Variants in SHC2 observed in about 807,000 individuals in gnomAD.
The protein encoded by SHC2 is SHC adaptor protein 2, also known as SHC-transforming protein 2.
Under a neutral mutation model 60.6 loss-of-function variants are expected in SHC2, and 62 were observed. The observed-to-expected ratio is 1.02, with a 90% CI of 0.83 to 1.26. SHC2 has a LOEUF of 1.26. Among genes scored for constraint, SHC2 ranks in the 50% most tolerant of loss-of-function variants. The pLI, the probability that SHC2 is intolerant of heterozygous loss-of-function variation, is 0.00. For synonymous variants in SHC2, 375 were observed against 372.4 expected (o/e 1.01, Z -0.08); for missense variants, 873 against 822.2 (o/e 1.06, Z -0.76).
chr19:442,805 G>A (rs2145731469), intron 1 of SHC2, among the ~76,000 whole-genome samples: 1 of 141,080 alleles, frequency 7.1e-6, no homozygotes, highest in Admixed American at 6.9e-5. Context: ...ATGGGTGGGT[G>A]GATGAGTGGA....
rs368152023 is a variant in SHC2 at position 426,842 on chromosome 19, G to A, written c.1175-1611C>T. On this transcript the variant is annotated intron_variant, in intron 9 of 12. Transcript: ENST00000264554. ...GGGGCAGAGTCCGGGGAGGGAGGACGACAGTGCGAGGGGCAGAGTCCGGGG... is the reference window on the plus strand; with the variant it reads ...GGGGCAGAGTCCGGGGAGGGAGGACAACAGTGCGAGGGGCAGAGTCCGGGG... Among the ~76,000 whole-genome samples the A allele has an allele frequency of 1.3e-4, 19 of 147,132 alleles. No individual in the cohort carries two copies. The East Asian group carries it at 3.4e-3, about 26-fold the overall frequency.
intron 1 of SHC2, among the ~76,000 whole-genome samples, chr19:449,709 C>A (rs1975133191): frequency 6.6e-6 from 1 of 151,118 alleles, no homozygotes. Context: ...TGCAATGAGC[C>A]GAGATTGCGC....
chr19:439,021 G>A lies in SHC2; in HGVS notation c.549C>T (p.Ile183=), dbSNP rs755930133. The stretch of plus-strand genomic sequence containing the variant: ...CAGGCACGGCCTCATGGAGCCGGTT[G>A]ATGGCTTCCCTGGGGTTGGGAGGAG... ...NTRTQVTREA[I]NRLHEAVPGV... Residue 183 remains isoleucine, a synonymous_variant, in exon 3 of 13, where the codon ATC becomes ATT. Transcript: ENST00000264554. The A allele has an allele frequency of 8.2e-6, 13 of 1,586,026 alleles. No homozygotes were observed. Among genetic ancestry groups the A allele is most frequent in the Non-Finnish European group, 1.1e-5 (13 of 1,166,106 alleles).
chr19:420,918 T>C (rs8104618), intron 11 of SHC2, among the ~76,000 whole-genome samples: 12,974 of 151,788 alleles, frequency 0.085, 1,789 homozygotes, highest in African/African-American at 0.29. Context: ...GGCGTGGTGG[T>C]GGGCGCCTGT....
chr19:452,270 G>A (rs1266853614), intron 1 of SHC2, among the ~76,000 whole-genome samples: 209 of 113,490 alleles, frequency 1.8e-3, no homozygotes, highest in African/African-American at 7.6e-3. Context: ...GCGTTTCTCC[G>A]TTTCATTGAG....
chr19:418,083 C>G (rs1038735343), intron 12 of SHC2, among the ~76,000 whole-genome samples: 11 of 152,152 alleles, frequency 7.2e-5, no homozygotes, highest in African/African-American at 2.7e-4. Flanking sequence ...ATCACCCAGA[C>G]CTGCCTGTCC....
chr19:419,303 G>A (rs939768370), intron 11 of SHC2: 33 of 460,564 alleles, frequency 7.2e-5, no homozygotes, highest in Admixed American at 1.1e-4. Context: ...AAAGGTGACC[G>A]CGGGAAGATG....
chr19:430,921 G>C (rs913252794), intron 8 of SHC2, among the ~76,000 whole-genome samples, 174 bp from the exon 9 acceptor site: 1 of 152,164 alleles, frequency 6.6e-6, no homozygotes, highest in Non-Finnish European at 1.5e-5. Flanking sequence ...TGGGTCTGCC[G>C]CCCACCTCTG....
intron 1 of SHC2, among the ~76,000 whole-genome samples, chr19:449,710 G>A (rs953946120): frequency 3.3e-5 from 5 of 152,058 alleles, no homozygotes; most frequent in Admixed American, 6.5e-5. Flanking sequence ...GCAATGAGCC[G>A]AGATTGCGCC....
At position 453,459 on chromosome 19, in the gene SHC2, A is replaced by T. The variant is rs1975250317; in HGVS notation, c.468+7070T>A. 6.6e-6 allele frequency among the ~76,000 whole-genome samples: 1 copy of T among 151,992 alleles called. No homozygotes were observed. The highest frequency in any genetic ancestry group is 1.5e-5 in the Non-Finnish European group (1 of 67,994). ...TAATGTTTTTTCTTTTTTGGTAGAG[A>T]CAGGGTTTCACCAAGCTGCCCAGGC... On this transcript the variant is annotated intron_variant, in intron 1 of 12. Transcript: ENST00000264554. The surrounding 1 kb of genome is among the most constrained non-coding windows in gnomAD (Gnocchi z 6.3).
chr19:460,602 A>G lies in SHC2; in HGVS notation c.395T>C (p.Ile132Thr). The G allele has an allele frequency of 1.4e-6, 2 of 1,394,042 alleles. No homozygotes were observed. Among genetic ancestry groups the G allele is most frequent in the South Asian group, 1.5e-5 (1 of 66,442 alleles). 86.4% of individuals were successfully genotyped at this position (1,394,042 alleles called of 1,614,324 possible). The change falls in exon 1 of 13, where the codon ATC becomes ACC. Residue 132 changes from isoleucine (I) to threonine (T), a missense_variant. Ile to Thr is a moderately conservative substitution (Grantham distance 89). Coordinates refer to ENST00000264554, the MANE Select transcript of SHC2 (RefSeq NM_012435.3). The part of the protein sequence containing the change: ...AAEWIRKGSF[I>T]HKPAHGWLHP... Reference sequence around the variant, plus strand: ...TAGCCAGCCGTGCGCGGGTTTGTGGATGAAGCTGCCCTTCCGGATCCACTC... The same window carrying G: ...TAGCCAGCCGTGCGCGGGTTTGTGGGTGAAGCTGCCCTTCCGGATCCACTC...
chr19:448,932 G>A (rs111881439), intron 1 of SHC2, among the ~76,000 whole-genome samples: 47 of 152,022 alleles, frequency 3.1e-4, no homozygotes, highest in African/African-American at 8.9e-4. Context: ...GCAGACAGAC[G>A]GCTTGAGTTC....
chr19:424,680 G>A lies in SHC2; in HGVS notation c.1309+417C>T, dbSNP rs757857910. ...CTCCTCCCTTCAGACCGGGGGTTCCGACAGAGGCAGGTGGGTTACCCCCGA... is the reference window on the plus strand; with the variant it reads ...CTCCTCCCTTCAGACCGGGGGTTCCAACAGAGGCAGGTGGGTTACCCCCGA... On this transcript the variant is annotated intron_variant, in intron 10 of 12. Coordinates refer to ENST00000264554, the MANE Select transcript of SHC2 (RefSeq NM_012435.3). The surrounding 1 kb of genome is among the most constrained non-coding windows in gnomAD (Gnocchi z 4.5). 1.3e-5 allele frequency among the ~76,000 whole-genome samples: 2 copies of A among 152,164 alleles called. No homozygotes were observed. Among genetic ancestry groups the A allele is most frequent in the South Asian group, 2.1e-4 (1 of 4,832 alleles).
At position 441,144 on chromosome 19, in the gene SHC2, T is replaced by C. The variant is rs115684162; in HGVS notation, c.469-212A>G. On this transcript the variant is annotated intron_variant, in intron 1 of 12. Transcript: ENST00000264554. The surrounding 1 kb of genome is among the most constrained non-coding windows in gnomAD (Gnocchi z 4.9). ...GCCCCCTCTGACTCCAGGCATGTTT[T>C]TCTGTGTTGCTGTTTCTCAGGAGCC... is the stretch of plus-strand genomic sequence containing the variant. 1.0e-6 allele frequency: 1 copy of C among 985,152 alleles called. No individual in the cohort carries two copies. The highest frequency in any genetic ancestry group is 1.7e-5 in the African/African-American group (1 of 57,270). 61.0% of individuals were successfully genotyped at this position (985,152 alleles called of 1,614,324 possible). A position where few individuals can be genotyped will look rare whatever the true frequency, so the allele number is the denominator to read the frequency against.
intron 4 of SHC2, among the ~76,000 whole-genome samples, chr19:437,620 G>A (rs544675890): frequency 2.6e-5 from 4 of 152,084 alleles, no homozygotes; most frequent in South Asian, 2.1e-4. Flanking sequence ...TCCATGCCTC[G>A]CAGGGTGGGG....
intron 1 of SHC2, among the ~76,000 whole-genome samples, chr19:458,947 TG>T (rs1389316325): frequency 6.6e-6 from 1 of 152,056 alleles, no homozygotes; most frequent in Non-Finnish European, 1.5e-5. Context: ...AGCCAGCTTC[TG>T]GGGGCTCCCA....
At chr19:419,380 A>C in intron 11 of SHC2, 1 of 273,584 alleles carries the variant, frequency 3.7e-6, no homozygotes, top group East Asian at 6.9e-5. Context: ...TGGTAGATAA[A>C]CAGGTCAAGG....
intron 1 of SHC2, among the ~76,000 whole-genome samples, chr19:448,977 A>AC (rs1975110725): frequency 6.7e-6 from 1 of 149,258 alleles, no homozygotes; most frequent in Non-Finnish European, 1.5e-5. Context: ...ACATGGTGAA[A>AC]CCCCGTCTCT....
intron 9 of SHC2, among the ~76,000 whole-genome samples, chr19:428,312 T>A (rs1015612556): frequency 1.3e-5 from 2 of 152,172 alleles, no homozygotes; most frequent in Non-Finnish European, 2.9e-5. Flanking sequence ...CGAGTGCCCC[T>A]CCCTGGGACG....
Sources: allele counts gnomAD v4.1 joint callset (sites outside exome capture counted in the v4.1 genomes callset), GRCh38; gene constraint gnomAD v4.1.1; non-coding constraint Gnocchi (gnomAD v3.1); transcripts MANE v1.5; gene names NCBI Gene and HGNC (gene_info 2026-07-23, HGNC 2026-07-21).